ACYP2: variants seen among roughly 807,000 people sequenced by gnomAD.
ACYP2 encodes the protein acylphosphatase-2.
In ACYP2, 12 loss-of-function variants were observed where a neutral mutation model predicts 11.2. The observed-to-expected ratio is 1.08, with a 90% CI of 0.69 to 1.74. The LOEUF is 1.74. Among genes scored for constraint, ACYP2 ranks in the 40% most tolerant of loss-of-function variants. The pLI, the probability that ACYP2 is intolerant of heterozygous loss-of-function variation, is 0.00. For synonymous variants in ACYP2, 43 were observed against 32.2 expected (o/e 1.33, Z -1.13); for missense variants, 134 against 101.9 (o/e 1.31, Z -1.35).
chr2:54,176,619 CA>C, intron 6 of ACYP2, among the ~76,000 whole-genome samples: 1 of 152,190 alleles, frequency 6.6e-6, no homozygotes, highest in East Asian at 1.9e-4. Context: ...CACCCAGAGT[CA>C]GTCATGTGTT....
chr2:54,300,803 G>T (rs569634217), intron 6 of ACYP2, among the ~76,000 whole-genome samples: 1 of 152,276 alleles, frequency 6.6e-6, no homozygotes, highest in South Asian at 2.1e-4. Context: ...GTACAATTTT[G>T]CACTCCCATT....
chr2:54,179,589 C>T (rs1487389397), intron 6 of ACYP2, among the ~76,000 whole-genome samples: 1 of 152,100 alleles, frequency 6.6e-6, no homozygotes, highest in Non-Finnish European at 1.5e-5. Context: ...ATTCATGCCT[C>T]CCTTTTTTAG....
chr2:54,172,502 T>C (rs1345835154), intron 6 of ACYP2, among the ~76,000 whole-genome samples: 2 of 152,206 alleles, frequency 1.3e-5, no homozygotes, highest in African/African-American at 4.8e-5. Flanking sequence ...GTGTAACCCA[T>C]GGCAGTGAAG....
chr2:54,251,430 C>T (rs973945734), intron 6 of ACYP2, among the ~76,000 whole-genome samples: 1 of 152,048 alleles, frequency 6.6e-6, no homozygotes, highest in Non-Finnish European at 1.5e-5. Context: ...GTACAATATA[C>T]ATACAGAGAA....
chr2:54,191,632 A>T (rs1684243989), intron 6 of ACYP2, among the ~76,000 whole-genome samples: 1 of 152,232 alleles, frequency 6.6e-6, no homozygotes, highest in Non-Finnish European at 1.5e-5. Context: ...TATGAGAAGC[A>T]GTTGGAATAG....
chr2:53,990,065 A>G (rs1455415092), intron 2 of ACYP2, among the ~76,000 whole-genome samples: 9 of 137,898 alleles, frequency 6.5e-5, no homozygotes, highest in African/African-American at 1.6e-4. Flanking sequence ...TGCAACCTCT[A>G]CCTCCTGGGT....
At chr2:54,266,108 A>G (rs1206205471) in intron 6 of ACYP2, among the ~76,000 whole-genome samples, 1 of 152,218 alleles carries the variant, frequency 6.6e-6, no homozygotes, top group African/African-American at 2.4e-5. Context: ...TCTTGGGTCA[A>G]AAAGGAAATA....
chr2:54,001,090 T>A (rs1341276558), intron 2 of ACYP2, among the ~76,000 whole-genome samples: 3 of 152,170 alleles, frequency 2.0e-5, no homozygotes, highest in Non-Finnish European at 4.4e-5. Flanking sequence ...TGTGGTGCCT[T>A]GTGCCTATAA....
At chr2:54,024,825 T>C (rs1558478646) in intron 2 of ACYP2, among the ~76,000 whole-genome samples, 1 of 152,138 alleles carries the variant, frequency 6.6e-6, no homozygotes, top group Admixed American at 6.6e-5. Flanking sequence ...TATGATCATA[T>C]ACCTAGAAAA....
chr2:54,020,886 T>C (rs1345849083), intron 2 of ACYP2, among the ~76,000 whole-genome samples: 3 of 152,192 alleles, frequency 2.0e-5, no homozygotes, highest in Admixed American at 6.5e-5. Context: ...GTCATTTGTG[T>C]TAAAGAATGG....
At chr2:54,219,819 G>GTA (rs1558622070) in intron 6 of ACYP2, among the ~76,000 whole-genome samples, 2 of 112,348 alleles carry the variant, frequency 1.8e-5, no homozygotes, top group African/African-American at 6.1e-5. Context: ...GTTTGTGTAT[G>GTA]TGTGTGTGTA....
At chr2:54,097,117 C>T (rs922584688) in intron 4 of ACYP2, among the ~76,000 whole-genome samples, 2 of 152,200 alleles carry the variant, frequency 1.3e-5, no homozygotes, top group Admixed American at 6.5e-5. Context: ...TCTTTCACCT[C>T]CTCCGAGTCT....
intron 2 of ACYP2, among the ~76,000 whole-genome samples, chr2:54,023,120 A>T (rs1282988051): frequency 6.6e-6 from 1 of 152,156 alleles, no homozygotes; most frequent in Non-Finnish European, 1.5e-5. Flanking sequence ...TCTTTCCTAT[A>T]CCCAGCGTGC....
chr2:54,101,788 A>G (rs1003934878), intron 4 of ACYP2, among the ~76,000 whole-genome samples: 1 of 151,932 alleles, frequency 6.6e-6, no homozygotes, highest in Non-Finnish European at 1.5e-5. Flanking sequence ...GTCTTAGAGC[A>G]GTTTTAGCTT....
intron 6 of ACYP2, chr2:54,255,542 GGTTCAGGTGGAGACCCAC>G (rs901605541): frequency 1.2e-6 from 2 of 1,613,306 alleles, no homozygotes; most frequent in African/African-American, 2.7e-5. Flanking sequence ...GACTCCAGGG[GGTTCAGGTGGAGACCCAC>G]GTTCAGGGGC....
intron 4 of ACYP2, among the ~76,000 whole-genome samples, chr2:54,131,855 C>T (rs1381323319): frequency 2.0e-5 from 3 of 152,160 alleles, no homozygotes; most frequent in African/African-American, 7.2e-5. Flanking sequence ...CATGTGAAAA[C>T]AGATTACTGG....
In ACYP2 at chr2:54,220,427, CTGAA is replaced by C. The variant is rs566715443; in HGVS notation, c.404+81682_404+81685del. On this transcript the variant is annotated intron_variant, in intron 6 of 6. Coordinates refer to ENST00000607452, the MANE Select transcript of ACYP2 (RefSeq NM_001320586.2). ...TTAAATTTCAATGCAGTTATGTTGA[CTGAA>C]TGTTTTATTTTCCTTTTTAAATCAA... is the stretch of plus-strand genomic sequence containing the variant. 2.2e-3 allele frequency among the ~76,000 whole-genome samples: 330 copies of C among 152,228 alleles called. 2 individuals carry two copies. Among genetic ancestry groups the C allele is most frequent in the African/African-American group, 6.3e-3 (260 of 41,528 alleles).
chr2:54,263,545 G>T lies in ACYP2; in HGVS notation c.405-41143G>T, dbSNP rs111344394. ...AGGCTGAGATGGGAGGATCGCTTGA[G>T]CCCAGGAGTTGGAGCTTCCAGTGAG... On this transcript the variant is annotated intron_variant, in intron 6 of 6. Coordinates refer to ENST00000607452, the MANE Select transcript of ACYP2 (RefSeq NM_001320586.2). Among the ~76,000 whole-genome samples the T allele has an allele frequency of 6.0e-3, 918 of 152,270 alleles. 12 individuals carry two copies. Among genetic ancestry groups the T allele is most frequent in the African/African-American group, 0.021 (883 of 41,538 alleles).
At chr2:54,286,912 T>C (rs1689101159) in intron 6 of ACYP2, among the ~76,000 whole-genome samples, 1 of 151,980 alleles carries the variant, frequency 6.6e-6, no homozygotes, top group Non-Finnish European at 1.5e-5. Context: ...ATTCAATATA[T>C]GGTAAAAAGC....
Sources: allele counts gnomAD v4.1 joint callset (sites outside exome capture counted in the v4.1 genomes callset), GRCh38; gene constraint gnomAD v4.1.1; transcripts MANE v1.5; gene names NCBI Gene and HGNC (gene_info 2026-07-23, HGNC 2026-07-21).